The following SPEG variants were observed in gnomAD, a reference collection of about 807,000 sequenced individuals.
The protein encoded by SPEG is striated muscle preferentially expressed protein kinase.
A neutral mutation model predicts 300.4 loss-of-function variants in SPEG; 114 were observed. That is an observed-to-expected ratio of 0.38 (90% CI 0.33 to 0.44). SPEG has a LOEUF of 0.44. Among genes scored for constraint, SPEG ranks in the 20% least tolerant of loss-of-function variants. SPEG has a pLI of 1.00. For missense variants in SPEG, 4,201 were observed against 4,586.2 expected (o/e 0.92, Z 2.43); for synonymous variants, 1,964 against 2,018.9 (o/e 0.97, Z 0.73).
At position 219,477,216 on chromosome 2, in the gene SPEG, C is replaced by CGGGGCCTGGTACAGAGGCT; in HGVS notation, c.4561-61_4561-60insGGGGCCTGGTACAGAGGCT. The CGGGGCCTGGTACAGAGGCT allele has an allele frequency of 1.4e-6, 2 of 1,467,322 alleles. No homozygotes were observed. Among genetic ancestry groups the CGGGGCCTGGTACAGAGGCT allele is most frequent in the Non-Finnish European group, 1.8e-6 (2 of 1,088,644 alleles). 90.9% of individuals were successfully genotyped at this position (1,467,322 alleles called of 1,614,324 possible). On this transcript the variant is annotated intron_variant, in intron 19 of 40. Coordinates refer to ENST00000312358, the MANE Select transcript of SPEG (RefSeq NM_005876.5). This position sits in a 1 kb window ranked among gnomAD's most constrained non-coding sequence, Gnocchi z 6.4. ...GCGCTGCCCAGAGTAGGAGATGAGG[C>CGGGGCCTGGTACAGAGGCT]CCTGGCCCCAAGGTAGAGATGAGGC... is the stretch of plus-strand genomic sequence containing the variant.
chr2:219,469,619 T>G (rs1453944193), intron 13 of SPEG, among the ~76,000 whole-genome samples: 1 of 152,222 alleles, frequency 6.6e-6, no homozygotes, highest in Non-Finnish European at 1.5e-5. Flanking sequence ...CAGGCAGTAC[T>G]GCCTGCTACT....
In SPEG at chr2:219,443,635, G is replaced by A; in HGVS notation, c.389-1018G>A. The A allele has an allele frequency of 6.6e-6, 2 of 305,312 alleles. No individual in the cohort carries two copies. The highest frequency in any genetic ancestry group is 2.9e-5 in the South Asian group (1 of 33,944). 18.9% of individuals were successfully genotyped at this position (305,312 alleles called of 1,614,324 possible). On this transcript the variant is annotated intron_variant, in intron 1 of 40. Coordinates refer to ENST00000312358, the MANE Select transcript of SPEG (RefSeq NM_005876.5). The surrounding 1 kb of genome is among the most constrained non-coding windows in gnomAD (Gnocchi z 4.6). ...GTCACATCATGATGCAGACAGATAA[G>A]GGGTTGGTTTGCAAAGAGGGGTCAA... is the stretch of plus-strand genomic sequence containing the variant.
At chr2:219,489,300 C>G (rs1245192472) in intron 35 of SPEG, 36 bp from the exon 36 acceptor site, 2 of 1,613,446 alleles carry the variant, frequency 1.2e-6, no homozygotes, top group Middle Eastern at 1.7e-4. Context: ...GGCCTTGCCC[C>G]AAGGCACCAC....
In SPEG at chr2:219,464,325, G is replaced by A. The variant is rs1279311226; in HGVS notation, c.2706-108G>A. On this transcript the variant is annotated intron_variant, in intron 8 of 40. Coordinates refer to ENST00000312358, the MANE Select transcript of SPEG (RefSeq NM_005876.5). This position sits in a 1 kb window ranked among gnomAD's most constrained non-coding sequence, Gnocchi z 4.5. The stretch of plus-strand genomic sequence containing the variant: ...GTCAGTGGGACAGATCTGGGGACTG[G>A]GCAAACTGCACAGGGAAGGAGAGGC... 2.4e-6 allele frequency: 3 copies of A among 1,249,176 alleles called. No homozygotes were observed. In the African/African-American group the frequency reaches 4.5e-5, roughly 19 times the overall value. 77.4% of individuals were successfully genotyped at this position (1,249,176 alleles called of 1,614,324 possible). A position where few individuals can be genotyped will look rare whatever the true frequency, so the allele number is the denominator to read the frequency against.
intron 32 of SPEG, 72 bp from the exon 33 acceptor site, chr2:219,488,426 G>T (rs1278581458): frequency 1.3e-6 from 2 of 1,508,202 alleles, no homozygotes; most frequent in Non-Finnish European, 1.8e-6. Flanking sequence ...ATGCTGGAGT[G>T]GGGAGTGAGT....
Position 219,449,209 on chromosome 2 carries a change from AC to A in SPEG, c.2053del (p.Arg685AlafsTer35). ...PEEDGPWGPW[D>X]RRGARSQGKG... ...GAGGACGGTCCCTGGGGGCCCTGGG[AC>A]CGCCGAGGGGCCCGCAGCCAGGGCA... On this transcript the variant is annotated frameshift_variant, in exon 4 of 41. Transcript: ENST00000312358. LOFTEE classifies it high-confidence loss of function. 1 of 1,392,128 alleles carries A rather than the reference AC, an allele frequency of 7.2e-7. No homozygotes were observed. The highest frequency in any genetic ancestry group is 9.3e-7 in the Non-Finnish European group (1 of 1,073,712). The allele number at this position is 1,392,128 out of a possible 1,614,324, so 86.2% of individuals were successfully genotyped here.
chr2:219,483,902 G>T lies in SPEG; in HGVS notation c.6439G>T (p.Ala2147Ser). 1 of 1,601,330 alleles carries T rather than the reference G, an allele frequency of 6.2e-7. No homozygotes were observed. The highest frequency in any genetic ancestry group is 8.5e-7 in the Non-Finnish European group (1 of 1,178,726). The change falls in exon 30 of 41, where the codon GCG (alanine) becomes TCG (serine). Residue 2147 changes from alanine (A) to serine (S), a missense_variant. Ala to Ser is a moderately conservative substitution (Grantham distance 99). Around this residue, in one of 4 missense-constraint regions of SPEG, gnomAD observed 1,578 missense variants for 1,506.0 expected, o/e 1.05. Transcript: ENST00000312358. The stretch of plus-strand genomic sequence containing the variant: ...CCGGGGCCGGCACCGCCGAGCGGGG[G>T]CGCCCCTCGAGATCCCCGTGGCCAG... ...EPRGRHRRAGAPLEIPVARLG... is the reference protein window; with the variant it reads ...EPRGRHRRAGSPLEIPVARLG...
chr2:219,451,543 G>T lies in SPEG; in HGVS notation c.2258-82G>T. 1 of 1,351,534 alleles carries T rather than the reference G, an allele frequency of 7.4e-7. No individual in the cohort carries two copies. 83.7% of individuals were successfully genotyped at this position (1,351,534 alleles called of 1,614,324 possible). ...GCTGAGAGGAGAGGTTTGGTCTCCT[G>T]TGTGGTGTGTGGGGTAGGAGTAGAG... On this transcript the variant is annotated intron_variant, in intron 5 of 40. Coordinates refer to ENST00000312358, the MANE Select transcript of SPEG (RefSeq NM_005876.5). This position sits in a 1 kb window ranked among gnomAD's most constrained non-coding sequence, Gnocchi z 6.4.
In SPEG at chr2:219,444,786, A is replaced by G. The variant is rs1484361363; in HGVS notation, c.479-39A>G. Reference sequence around the variant, plus strand: ...CAAAGAGCAGGCAGGCGGGTTTTCCATAAGGGGTGCCTCAGTCTCACGGTG... The same window carrying G: ...CAAAGAGCAGGCAGGCGGGTTTTCCGTAAGGGGTGCCTCAGTCTCACGGTG... On this transcript the variant is annotated intron_variant, in intron 2 of 40. Transcript: ENST00000312358. The surrounding 1 kb of genome is among the most constrained non-coding windows in gnomAD (Gnocchi z 7.8). The G allele has an allele frequency of 1.2e-6, 2 of 1,611,866 alleles. No individual in the cohort carries two copies. The highest frequency in any genetic ancestry group is 1.7e-6 in the Non-Finnish European group (2 of 1,178,598).
Position 219,439,344 on chromosome 2 carries a change from G to A in SPEG, c.388+3979G>A, listed in dbSNP as rs1321242671. Among the ~76,000 whole-genome samples, 1 of 152,110 alleles carries A rather than the reference G, an allele frequency of 6.6e-6. No homozygotes were observed. Among genetic ancestry groups the A allele is most frequent in the Non-Finnish European group, 1.5e-5 (1 of 68,032 alleles). On this transcript the variant is annotated intron_variant, in intron 1 of 40. Transcript: ENST00000312358. This position sits in a 1 kb window ranked among gnomAD's most constrained non-coding sequence, Gnocchi z 4.5. Reference sequence around the variant, plus strand: ...GGGGTTGAGGGAGACCAAAATTTATGTCCTCCAGGGGATAACTTTCTAGTG... The same window carrying A: ...GGGGTTGAGGGAGACCAAAATTTATATCCTCCAGGGGATAACTTTCTAGTG...
chr2:219,475,058 T>C (rs1198648185), intron 18 of SPEG, among the ~76,000 whole-genome samples: 1 of 152,128 alleles, frequency 6.6e-6, no homozygotes, highest in Non-Finnish European at 1.5e-5. Context: ...GTGCTGAGAT[T>C]ATAGATGTGA....
Position 219,482,526 on chromosome 2 carries a change from AGAAGCCTACCTAGGG to A in SPEG, c.5566-255_5566-241del, listed in dbSNP as rs563852492. 2.3e-4 allele frequency: 115 copies of A among 491,648 alleles called. 1 individual carries two copies. Among genetic ancestry groups the A allele is most frequent in the African/African-American group, 2.0e-3 (104 of 52,230 alleles). 30.5% of individuals were successfully genotyped at this position (491,648 alleles called of 1,614,324 possible). A position where few individuals can be genotyped will look rare whatever the true frequency, so the allele number is the denominator to read the frequency against. On this transcript the variant is annotated intron_variant, in intron 28 of 40. Coordinates refer to ENST00000312358, the MANE Select transcript of SPEG (RefSeq NM_005876.5). ...GGGCCATGAGCCCTGGTGGAAGCTC[AGAAGCCTACCTAGGG>A]GAGCCACCAGTTTCCTGCCTCTCCC...
chr2:219,482,954 C>A lies in SPEG; in HGVS notation c.5634+102C>A, dbSNP rs145528650. ...TTCATCTCCTGCTCCTGTCTTCTCG[C>A]TTTCACTGGCTCCATGCCTAGCTTC... On this transcript the variant is annotated intron_variant, in intron 29 of 40. Coordinates refer to ENST00000312358, the MANE Select transcript of SPEG (RefSeq NM_005876.5). 5,718 of 1,406,412 alleles carry A rather than the reference C, an allele frequency of 4.1e-3. 17 individuals carry two copies. The highest frequency in any genetic ancestry group is 8.9e-3 in the African/African-American group (627 of 70,724). 87.1% of individuals were successfully genotyped at this position (1,406,412 alleles called of 1,614,324 possible). A position where few individuals can be genotyped will look rare whatever the true frequency, so the allele number is the denominator to read the frequency against.
Position 219,483,733 on chromosome 2 carries a change from C to T in SPEG, c.6270C>T (p.Pro2090=). ...GCAAGGTCAGCGGCCTCAGGGGTCC[C>T]CTGCTGGAGAGCCTGGGGGGCCGTG... The part of the protein sequence containing the change: ...EDGKVSGLRG[P]LLESLGGRAR... The change falls in exon 30 of 41, where the codon CCC becomes CCT. Residue 2090 remains proline (P), a synonymous_variant. Coordinates refer to ENST00000312358, the MANE Select transcript of SPEG (RefSeq NM_005876.5). 7.2e-6 allele frequency: 11 copies of T among 1,536,928 alleles called. No individual in the cohort carries two copies. The highest frequency in any genetic ancestry group is 9.6e-6 in the Non-Finnish European group (11 of 1,148,110).
At position 219,444,874 on chromosome 2, in the gene SPEG, C is replaced by T. The variant is rs376916155; in HGVS notation, c.528C>T (p.Ser176=). The T allele has an allele frequency of 1.5e-5, 24 of 1,569,030 alleles. No individual in the cohort carries two copies. Among genetic ancestry groups the T allele is most frequent in the Non-Finnish European group, 1.9e-5 (22 of 1,157,106 alleles). Residue 176 remains serine, a synonymous_variant, in exon 3 of 41, where the codon TCC becomes TCT. Transcript: ENST00000312358. This position sits in a 1 kb window ranked among gnomAD's most constrained non-coding sequence, Gnocchi z 7.8. ...CCTCCCTGGACACACCCCCGACCTC[C>T]GTGACAGGCACCTCAGAGGAGCAAG... ...VGTSLDTPPT[S]VTGTSEEQVS...
rs1462290584 is a variant in SPEG, at chr2:219,458,832, G to A, written c.2441-3050G>A. On this transcript the variant is annotated intron_variant, in intron 6 of 40. Coordinates refer to ENST00000312358, the MANE Select transcript of SPEG (RefSeq NM_005876.5). The surrounding 1 kb of genome is among the most constrained non-coding windows in gnomAD (Gnocchi z 4.2). Reference sequence around the variant, plus strand: ...CATTTCAGAAAATCTAATTCTGCAGGCTGGAGTAAGGTTGAGGAATCTATA... The same window carrying A: ...CATTTCAGAAAATCTAATTCTGCAGACTGGAGTAAGGTTGAGGAATCTATA... 6.6e-6 allele frequency among the ~76,000 whole-genome samples: 1 copy of A among 152,182 alleles called. No individual in the cohort carries two copies. Among genetic ancestry groups the A allele is most frequent in the Non-Finnish European group, 1.5e-5 (1 of 68,044 alleles).
At position 219,464,083 on chromosome 2, in the gene SPEG, A is replaced by C. The variant is rs1422250175; in HGVS notation, c.2706-350A>C. On this transcript the variant is annotated intron_variant, in intron 8 of 40. Transcript: ENST00000312358. The surrounding 1 kb of genome is among the most constrained non-coding windows in gnomAD (Gnocchi z 4.5). ...AGCTGCAGTGAGCTGTGATTGTGCC[A>C]CTGCACTCCAGCCTGGGTGACAGAG... is the stretch of plus-strand genomic sequence containing the variant. Among the ~76,000 whole-genome samples the C allele has an allele frequency of 6.6e-6, 1 of 151,628 alleles. No individual in the cohort carries two copies. Among genetic ancestry groups the C allele is most frequent in the African/African-American group, 2.4e-5 (1 of 41,250 alleles).
intron 40 of SPEG, 100 bp downstream of exon 40, chr2:219,492,360 C>A: frequency 1.5e-6 from 2 of 1,360,890 alleles, no homozygotes; most frequent in Non-Finnish European, 2.0e-6. Context: ...AGGAAGAAGT[C>A]TGCTGCTTCT....
Position 219,481,282 on chromosome 2 carries a change from A to G in SPEG, c.5370-22A>G, listed in dbSNP as rs1171834270. On this transcript the variant is annotated intron_variant, in intron 26 of 40. Transcript: ENST00000312358. The surrounding 1 kb of genome is among the most constrained non-coding windows in gnomAD (Gnocchi z 5.4). Reference sequence around the variant, plus strand: ...CCTTTGTCCCCGCCTGCCCCTCATGACAGCCCTCTTCACCCCTGCAGTCTG... The same window carrying G: ...CCTTTGTCCCCGCCTGCCCCTCATGGCAGCCCTCTTCACCCCTGCAGTCTG... 6.2e-7 allele frequency: 1 copy of G among 1,612,102 alleles called. No homozygotes were observed. Among genetic ancestry groups the G allele is most frequent in the African/African-American group, 1.3e-5 (1 of 74,804 alleles).
Sources: allele counts gnomAD v4.1 joint callset (sites outside exome capture counted in the v4.1 genomes callset), GRCh38; gene constraint gnomAD v4.1.1; regional missense constraint gnomAD v4.1.1; non-coding constraint Gnocchi (gnomAD v3.1); transcripts MANE v1.5; gene names NCBI Gene and HGNC (gene_info 2026-07-23, HGNC 2026-07-21).